Variants in BRME1 observed in about 807,000 individuals in gnomAD.
BRME1 encodes the protein BRCA2 and MEILB2-associating protein 1.
Under a neutral mutation model 52.6 loss-of-function variants are expected in BRME1, and 31 were observed. That is an observed-to-expected ratio of 0.59 (90% CI 0.44 to 0.80). BRME1 has a LOEUF of 0.80. BRME1 is among the 30% of genes least tolerant of loss of function. The pLI is 0.00. For missense variants in BRME1, 804 were observed against 860.3 expected (o/e 0.93, Z 0.82); for synonymous variants, 359 against 353.6 (o/e 1.02, Z -0.17).
rs977207007 is a variant in BRME1, at chr19:13,888,769, C to A, written c.1668+419G>T. Among the ~76,000 whole-genome samples the A allele has an allele frequency of 1.3e-5, 2 of 152,136 alleles. No individual in the cohort carries two copies. Among genetic ancestry groups the A allele is most frequent in the African/African-American group, 4.8e-5 (2 of 41,436 alleles). ...TTTTGCAGCTTGGGAGTGAAGCCCC[C>A]TCCCCAGGCCCAGGTATAAAGCCAT... On this transcript the variant is annotated intron_variant, in intron 6 of 8. Coordinates refer to ENST00000586783, the MANE Select transcript of BRME1 (RefSeq NM_001345843.2). The surrounding 1 kb of genome is among the most constrained non-coding windows in gnomAD (Gnocchi z 4.1).
rs1322819532 is a variant in BRME1, at chr19:13,882,874, T to A, written c.1935A>T (p.Lys645Asn). ...CCTTGGAAGGGTAAGGCAGGGGGGC[T>A]TTGCCTCCCAGCTTTGTCTTCCGGT... ...LNYRKTKLGGKAPLPYPSKGP... is the reference protein window; with the variant it reads ...LNYRKTKLGGNAPLPYPSKGP... The change falls in exon 9 of 9, where the codon AAA becomes AAT. Residue 645 changes from lysine to asparagine, a missense_variant. Around this residue, in one of 3 missense-constraint regions of BRME1, gnomAD observed 552 missense variants for 561.1 expected, o/e 0.98. Transcript: ENST00000586783. 1 of 1,613,734 alleles carries A rather than the reference T, an allele frequency of 6.2e-7. No individual in the cohort carries two copies. Among genetic ancestry groups the A allele is most frequent in the South Asian group, 1.1e-5 (1 of 91,064 alleles).
chr19:13,883,434 G>T lies in BRME1; in HGVS notation c.1764-34C>A. 7 of 1,444,392 alleles carry T rather than the reference G, an allele frequency of 4.8e-6. No individual in the cohort carries two copies. Among genetic ancestry groups the T allele is most frequent in the Non-Finnish European group, 6.6e-6 (7 of 1,064,564 alleles). The allele number at this position is 1,444,392 out of a possible 1,614,324, so 89.5% of individuals were successfully genotyped here. ...CAGGGAAGGAAATTGAGAGTGGCCC[G>T]ACCTCACTGGACTACCAGAGCTCTC... On this transcript the variant is annotated intron_variant, in intron 7 of 8. Transcript: ENST00000586783. The surrounding 1 kb of genome is among the most constrained non-coding windows in gnomAD (Gnocchi z 4.2).
intron 2 of BRME1, among the ~76,000 whole-genome samples, chr19:13,896,485 T>C (rs983796279): frequency 4.1e-5 from 6 of 146,578 alleles, no homozygotes; most frequent in Non-Finnish European, 7.5e-5. Flanking sequence ...ATGATATATA[T>C]TTATTAAATA....
At chr19:13,894,572 C>A (rs1021657797) in intron 3 of BRME1, among the ~76,000 whole-genome samples, 2 of 152,122 alleles carry the variant, frequency 1.3e-5, no homozygotes, top group East Asian at 3.9e-4. Context: ...TTTGTTTTGG[C>A]TAATTATTTT....
chr19:13,900,555 C>A (rs1331815464), intron 2 of BRME1, among the ~76,000 whole-genome samples: 1 of 152,222 alleles, frequency 6.6e-6, no homozygotes, highest in Non-Finnish European at 1.5e-5. Context: ...ACATGCACAC[C>A]ATTCCCTAAA....
rs751316867 is a variant in BRME1 at position 13,889,481 on chromosome 19, C to T, written c.1375G>A (p.Ala459Thr). 2.5e-6 allele frequency: 4 copies of T among 1,613,832 alleles called. No homozygotes were observed. The East Asian group carries it at 8.9e-5, about 36-fold the overall frequency. The stretch of plus-strand genomic sequence containing the variant: ...TCGAGGTTCTGGCCACCTAACTCGG[C>T]TTCCTCTTGAGCAGGACCTGGCTCC... ...KQEPGPAQEE[A>T]ELGGQNLERD... The change falls in exon 6 of 9, where the codon GCC becomes ACC. Residue 459 changes from alanine (A) to threonine (T), a missense_variant. By Grantham distance (58) the Ala-to-Thr change is moderately conservative. Around this residue, in one of 3 missense-constraint regions of BRME1, gnomAD observed 552 missense variants for 561.1 expected, o/e 0.98. Transcript: ENST00000586783.
intron 7 of BRME1, among the ~76,000 whole-genome samples, chr19:13,885,630 C>T (rs1221888545): frequency 2.0e-5 from 3 of 152,212 alleles, no homozygotes; most frequent in Non-Finnish European, 4.4e-5. Context: ...TGGGTCCCCT[C>T]CCCTTCCCAG....
At chr19:13,887,373 C>T (rs1005502696) in intron 6 of BRME1, among the ~76,000 whole-genome samples, 3 of 152,212 alleles carry the variant, frequency 2.0e-5, no homozygotes, top group Admixed American at 2.0e-4. Flanking sequence ...GCTGTCAGGG[C>T]GGTGCCTCCT....
At chr19:13,897,035 C>T (rs188702251) in intron 2 of BRME1, among the ~76,000 whole-genome samples, 147 of 142,286 alleles carry the variant, frequency 1.0e-3, no homozygotes, top group African/African-American at 3.9e-3. Context: ...TCCCTTACAT[C>T]GAAACTTTTT....
chr19:13,892,997 C>T (rs1969620905), intron 4 of BRME1, 107 bp from the exon 5 acceptor site: 1 of 1,369,592 alleles, frequency 7.3e-7, no homozygotes, highest in Non-Finnish European at 1.0e-6. Flanking sequence ...CTTGAGAGAA[C>T]TCCACCCTTG....
In BRME1 at chr19:13,882,898, G is replaced by A; in HGVS notation, c.1911C>T (p.Tyr637=). 1 of 1,614,016 alleles carries A rather than the reference G, an allele frequency of 6.2e-7. No homozygotes were observed. Among genetic ancestry groups the A allele is most frequent in the Admixed American group, 1.7e-5 (1 of 59,998 alleles). Residue 637 remains tyrosine (Y), a synonymous_variant, in exon 9 of 9, where the codon TAC becomes TAT. Transcript: ENST00000586783. ...CTTTGCCTCCCAGCTTTGTCTTCCG[G>A]TAGTTAAGGCGCTTGAAAGCTTCCA... ...RDLEAFKRLN[Y]RKTKLGGKAP... is the part of the protein sequence containing the mutation.
chr19:13,899,291 G>T (rs111445920), intron 2 of BRME1, among the ~76,000 whole-genome samples: 3,810 of 151,778 alleles, frequency 0.025, 152 homozygotes, highest in African/African-American at 0.079. Flanking sequence ...TGCGACTACA[G>T]GTGCAAGCCA....
chr19:13,885,902 C>A (rs1968978396), intron 7 of BRME1, 59 bp downstream of exon 7: 1 of 1,486,776 alleles, frequency 6.7e-7, no homozygotes, highest in African/African-American at 1.4e-5. Context: ...CCATCTGTCA[C>A]CCTCCTTGGT....
Position 13,905,972 on chromosome 19 carries a change from T to G in BRME1, c.-279A>C, listed in dbSNP as rs1467418897. On this transcript the variant is annotated 5_prime_UTR_variant, in exon 1 of 9. Coordinates refer to ENST00000586783, the MANE Select transcript of BRME1 (RefSeq NM_001345843.2). ...ACGCCGACCACCGAGAAGTGAGGACTCCACAGGCCGAGAGCCCACGTGAAG... is the reference window on the plus strand; with the variant it reads ...ACGCCGACCACCGAGAAGTGAGGACGCCACAGGCCGAGAGCCCACGTGAAG... The G allele has an allele frequency of 1.3e-5, 2 of 152,174 alleles. No homozygotes were observed. Among genetic ancestry groups the G allele is most frequent in the African/African-American group, 4.8e-5 (2 of 41,376 alleles). The allele number at this position is 152,174 out of a possible 1,614,324, so 9.4% of individuals were successfully genotyped here. A position where few individuals can be genotyped will look rare whatever the true frequency, so the allele number is the denominator to read the frequency against.
Position 13,890,224 on chromosome 19 carries a change from T to C in BRME1, c.632A>G (p.His211Arg), listed in dbSNP as rs1969378454. 6.2e-7 allele frequency: 1 copy of C among 1,614,044 alleles called. No homozygotes were observed. The highest frequency in any genetic ancestry group is 1.3e-5 in the African/African-American group (1 of 74,934). Residue 211 changes from histidine to arginine, a missense_variant, in exon 6 of 9, where the codon CAC (histidine) becomes CGC (arginine). This residue lies in a region of BRME1 where 18 missense variants were observed against 41.1 expected (regional missense o/e 0.44). Coordinates refer to ENST00000586783, the MANE Select transcript of BRME1 (RefSeq NM_001345843.2). ...LSASQRASQD[H>R]LSEQGADDSK... ...GTCATCGGCCCCTTGTTCTGACAGG[T>C]GGTCTTGGCTGGCCCTCTGTGAGGC...
In BRME1 at chr19:13,889,908, G is replaced by T. The variant is rs1311803211; in HGVS notation, c.948C>A (p.Ser316Arg). The T allele has an allele frequency of 8.7e-6, 14 of 1,612,850 alleles. No individual in the cohort carries two copies. The highest frequency in any genetic ancestry group is 1.2e-5 in the Non-Finnish European group (14 of 1,179,922). The change falls in exon 6 of 9, where the codon AGC (serine) becomes AGA (arginine). Residue 316 changes from serine (S) to arginine (R), a missense_variant. Around this residue, in one of 3 missense-constraint regions of BRME1, gnomAD observed 552 missense variants for 561.1 expected, o/e 0.98. Transcript: ENST00000586783. ...TCCCTTCCCCTTCCCTACCCATCCTGCTGGGGGTCTGCTGGGGGTCAGGGG... is the reference window on the plus strand; with the variant it reads ...TCCCTTCCCCTTCCCTACCCATCCTTCTGGGGGTCTGCTGGGGGTCAGGGG... ...QGSPDPQQTP[S>R]RMGREGEGTH...
chr19:13,895,256 G>T, intron 3 of BRME1, 116 bp downstream of exon 3: 1 of 1,080,090 alleles, frequency 9.3e-7, no homozygotes, highest in Non-Finnish European at 1.3e-6. Context: ...GGAGGGAGTG[G>T]GTCACAGCAC....
At position 13,882,762 on chromosome 19, in the gene BRME1, G is replaced by A. The variant is rs140440497; in HGVS notation, c.*40C>T. 1.4e-4 allele frequency: 231 copies of A among 1,611,264 alleles called. 2 individuals are homozygous for A. The East Asian group carries it at 5.1e-3, about 35-fold the overall frequency. On this transcript the variant is annotated 3_prime_UTR_variant, in exon 9 of 9. Coordinates refer to ENST00000586783, the MANE Select transcript of BRME1 (RefSeq NM_001345843.2). ...CATCTTGGAGGAGGTCTGCGGACAT[G>A]GGGGCTGGGTGGCAAAGGAAACACA...
chr19:13,903,285 TG>T lies in BRME1; in HGVS notation c.31+1576del, dbSNP rs534516937. Among the ~76,000 whole-genome samples, 45 of 152,136 alleles carry T rather than the reference TG, an allele frequency of 3.0e-4. No homozygotes were observed. The East Asian group carries it at 7.9e-3, about 27-fold the overall frequency. On this transcript the variant is annotated intron_variant, in intron 2 of 8. Transcript: ENST00000586783. ...TTGGGGCTGGATCATTCTCTGTGGC[TG>T]GGGGGCATCCTATGCATGGTAGGAT...
Sources: gnomAD v4.1 joint callset for allele counts (sites outside exome capture counted in the v4.1 genomes callset) on GRCh38, gnomAD v4.1.1 for gene constraint, gnomAD v4.1.1 regional missense constraint, Gnocchi (gnomAD v3.1) non-coding constraint, MANE v1.5 for transcripts, NCBI Gene and HGNC (gene_info 2026-07-23, HGNC 2026-07-21) for gene names.